SHCBP1L: variants seen among roughly 807,000 people sequenced by gnomAD.
SHCBP1L encodes the protein testicular spindle-associated protein SHCBP1L.
SHCBP1L carries 67 observed loss-of-function variants against 62.5 expected under a neutral mutation model. That is an observed-to-expected ratio of 1.07 (90% CI 0.88 to 1.31). SHCBP1L has a LOEUF of 1.31. SHCBP1L is among the 40% of genes most tolerant of loss of function. SHCBP1L has a pLI of 0.00. For missense variants in SHCBP1L, 823 were observed against 809.8 expected (o/e 1.02, Z -0.20); for synonymous variants, 284 against 289.4 (o/e 0.98, Z 0.19).
chr1:182,945,113 G>A (rs150629223), intron 2 of SHCBP1L, among the ~76,000 whole-genome samples: 19 of 151,778 alleles, frequency 1.3e-4, no homozygotes, highest in East Asian at 1.2e-3. Flanking sequence ...ACAGGCGTGC[G>A]CCACCACATC....
intron 6 of SHCBP1L, among the ~76,000 whole-genome samples, chr1:182,922,948 C>G (rs1406804245): frequency 6.6e-6 from 1 of 152,008 alleles, no homozygotes; most frequent in South Asian, 2.1e-4. Flanking sequence ...TACAAAAGAT[C>G]AACAAAACCT....
At chr1:182,951,218 G>T in intron 2 of SHCBP1L, 100 bp downstream of exon 2, 1 of 930,538 alleles carries the variant, frequency 1.1e-6, no homozygotes, top group Non-Finnish European at 1.5e-6. Context: ...AAGTAAAAAT[G>T]TGTCAACTCT....
chr1:182,918,480 C>A (rs1262480527), intron 6 of SHCBP1L, among the ~76,000 whole-genome samples: 6 of 151,886 alleles, frequency 4.0e-5, no homozygotes, highest in Non-Finnish European at 5.9e-5. Context: ...ACTGAAACTA[C>A]AAACCATTGC....
intron 8 of SHCBP1L, 147 bp downstream of exon 8, chr1:182,904,033 T>G: frequency 1.1e-6 from 1 of 885,606 alleles, no homozygotes; most frequent in Non-Finnish European, 1.7e-6. Flanking sequence ...ACTCCAGTAC[T>G]CATTTTGTTG....
At chr1:182,908,915 G>A (rs948455431) in intron 6 of SHCBP1L, among the ~76,000 whole-genome samples, 8 of 152,058 alleles carry the variant, frequency 5.3e-5, no homozygotes, top group African/African-American at 1.7e-4. Context: ...CCATTTTAAC[G>A]GACAAAAGTC....
chr1:182,934,142 T>C (rs1443413098), intron 5 of SHCBP1L, among the ~76,000 whole-genome samples: 1 of 152,162 alleles, frequency 6.6e-6, no homozygotes, highest in Non-Finnish European at 1.5e-5. Context: ...TTGTAATCCT[T>C]TTTATTTCAG....
intron 6 of SHCBP1L, among the ~76,000 whole-genome samples, chr1:182,909,680 G>A (rs1650119045): frequency 6.6e-6 from 1 of 152,198 alleles, no homozygotes; most frequent in African/African-American, 2.4e-5. Context: ...GGGTTCTGCA[G>A]GGCTGACAGC....
At chr1:182,907,417 G>C (rs1650048804) in intron 6 of SHCBP1L, among the ~76,000 whole-genome samples, 2 of 128,404 alleles carry the variant, frequency 1.6e-5, no homozygotes, top group Admixed American at 8.4e-5. Context: ...TGGGCAACAA[G>C]AGCGAAACTG....
chr1:182,948,399 T>A (rs1304209355), intron 2 of SHCBP1L, among the ~76,000 whole-genome samples: 3 of 152,246 alleles, frequency 2.0e-5, no homozygotes, highest in African/African-American at 7.2e-5. Flanking sequence ...GGGCCCATTC[T>A]AATCACGAGT....
chr1:182,919,977 C>A (rs566022370), intron 6 of SHCBP1L, among the ~76,000 whole-genome samples: 1 of 152,134 alleles, frequency 6.6e-6, no homozygotes, highest in Non-Finnish European at 1.5e-5. Flanking sequence ...AGCACACATG[C>A]ATGCACACTT....
intron 5 of SHCBP1L, among the ~76,000 whole-genome samples, chr1:182,935,223 T>C (rs1272704471): frequency 6.6e-6 from 1 of 152,128 alleles, no homozygotes; most frequent in African/African-American, 2.4e-5. Context: ...AATATTTTGC[T>C]ATGAATTTCA....
At chr1:182,920,551 A>G (rs985183439) in intron 6 of SHCBP1L, among the ~76,000 whole-genome samples, 3 of 152,196 alleles carry the variant, frequency 2.0e-5, no homozygotes, top group African/African-American at 7.2e-5. Flanking sequence ...CTAATTCCCC[A>G]TCAATGGTTC....
At chr1:182,918,134 A>G (rs865889042) in intron 6 of SHCBP1L, among the ~76,000 whole-genome samples, 5 of 147,788 alleles carry the variant, frequency 3.4e-5, no homozygotes, top group Non-Finnish European at 7.4e-5. Context: ...GTGTGTGTGT[A>G]TATATATACA....
chr1:182,905,237 C>G (rs184245643), intron 7 of SHCBP1L, among the ~76,000 whole-genome samples: 18 of 152,288 alleles, frequency 1.2e-4, no homozygotes, highest in African/African-American at 4.3e-4. Flanking sequence ...TTTAACATAG[C>G]TTTACATCTG....
Position 182,904,203 on chromosome 1 carries a change from CTG to C in SHCBP1L, c.1562_1563del (p.Thr521ArgfsTer3), listed in dbSNP as rs771821961. The C allele has an allele frequency of 6.2e-7, 1 of 1,614,140 alleles. No homozygotes were observed. Among genetic ancestry groups the C allele is most frequent in the Admixed American group, 1.7e-5 (1 of 60,024 alleles). On this transcript the variant is annotated frameshift_variant, in exon 8 of 10. Transcript: ENST00000367547. LOFTEE classifies it high-confidence loss of function. ...CVLTGAALTI[T>X]DSEITGAQGA... ...ACCTGGGCGCCAGTTATTTCACTGT[CTG>C]TAATTGTCAAAGCAGCCCCTGTAAG...
At chr1:182,924,954 G>GAAAGAAAGAAAGAAAGAAAGAA (rs1650681933) in intron 6 of SHCBP1L, among the ~76,000 whole-genome samples, 1 of 108,570 alleles carries the variant, frequency 9.2e-6, no homozygotes, top group African/African-American at 4.1e-5. Flanking sequence ...AAGAAAGAAA[G>GAAAGAAAGAAAGAAAGAAAGAA]AAAGAAAGAA....
At chr1:182,933,348 C>T (rs575232588) in intron 5 of SHCBP1L, among the ~76,000 whole-genome samples, 5 of 152,260 alleles carry the variant, frequency 3.3e-5, no homozygotes. Flanking sequence ...CCTAATTGCT[C>T]TGGCTAGAAC....
At chr1:182,940,595 C>A in intron 2 of SHCBP1L, 52 bp from the exon 3 acceptor site, 1 of 1,482,102 alleles carries the variant, frequency 6.7e-7, no homozygotes, top group Middle Eastern at 2.0e-4. Flanking sequence ...TATCAGTAAA[C>A]CGCAGGATTT....
In SHCBP1L at chr1:182,940,532, T is replaced by G; in HGVS notation, c.567A>C (p.Glu189Asp). The G allele has an allele frequency of 6.2e-7, 1 of 1,613,410 alleles. No individual in the cohort carries two copies. The highest frequency in any genetic ancestry group is 1.3e-5 in the African/African-American group (1 of 75,012). Reference protein sequence around the residue: ...FVGILVEVTCEPYQDSSSRFK... With the variant: ...FVGILVEVTCDPYQDSSSRFK... ...AACGAGATGATGAGTCTTGGTATGG[T>G]TCACAAGTTACCTAAGATAAATATC... The change falls in exon 3 of 10, where the codon GAA becomes GAC. Residue 189 changes from glutamate to aspartate, a missense_variant. Transcript: ENST00000367547.
Sources: gnomAD v4.1 joint callset for allele counts (sites outside exome capture counted in the v4.1 genomes callset) on GRCh38, gnomAD v4.1.1 for gene constraint, MANE v1.5 for transcripts, NCBI Gene and HGNC (gene_info 2026-07-23, HGNC 2026-07-21) for gene names.